CXADR: variants seen among roughly 807,000 people sequenced by gnomAD.
The protein encoded by CXADR is CXADR cell adhesion molecule.
CXADR carries 20 observed loss-of-function variants against 40.3 expected under a neutral mutation model. The ratio of observed to expected loss-of-function variants is 0.50; its 90% CI spans 0.35 to 0.72. The LOEUF (loss-of-function observed/expected upper bound fraction) is 0.72, where lower values mean the gene tolerates loss of function less well. Ranked by LOEUF, CXADR falls within the 30% of genes least tolerant of loss-of-function variation. CXADR has a pLI of 0.01. For missense variants in CXADR, 332 were observed against 449.1 expected (o/e 0.74, Z 2.36); for synonymous variants, 150 against 161.3 (o/e 0.93, Z 0.53).
At chr21:17,585,586 C>G (rs1418431994) in intron 7 of CXADR, among the ~76,000 whole-genome samples, 1 of 152,118 alleles carries the variant, frequency 6.6e-6, no homozygotes, top group African/African-American at 2.4e-5. Context: ...GGCGCCATCT[C>G]GGCTCACTGC....
chr21:17,537,302 A>G (rs746401997), intron 1 of CXADR, among the ~76,000 whole-genome samples: 59 of 152,332 alleles, frequency 3.9e-4, no homozygotes, highest in Non-Finnish European at 7.3e-4. Flanking sequence ...TTGTAAATGT[A>G]CCGTCATTCA....
In CXADR at chr21:17,560,843, G is replaced by C; in HGVS notation, c.694+19G>C. 1 of 1,611,768 alleles carries C rather than the reference G, an allele frequency of 6.2e-7. No homozygotes were observed. The highest frequency in any genetic ancestry group is 8.5e-7 in the Non-Finnish European group (1 of 1,178,768). ...GTCCCTCGTAAGTTATCTTCTTTCT[G>C]TTGGTGGTTTTGTTTCTGTTATCTT... is the stretch of plus-strand genomic sequence containing the variant. On this transcript the variant is annotated intron_variant, in intron 5 of 6. Coordinates refer to ENST00000284878, the MANE Select transcript of CXADR (RefSeq NM_001338.5).
At position 17,565,412 on chromosome 21, in the gene CXADR, G is replaced by A. The variant is rs763115559; in HGVS notation, c.834-16G>A. Reference sequence around the variant, plus strand: ...AACTTATTCTCTTGACATGTATTGGGGATTTTGCTTTGCAGGGAAGATGTG... The same window carrying A: ...AACTTATTCTCTTGACATGTATTGGAGATTTTGCTTTGCAGGGAAGATGTG... On this transcript the variant is annotated splice_polypyrimidine_tract_variant and intron_variant, in intron 6 of 6. Coordinates refer to ENST00000284878, the MANE Select transcript of CXADR (RefSeq NM_001338.5). 8.7e-6 allele frequency: 14 copies of A among 1,612,290 alleles called. No homozygotes were observed. Among genetic ancestry groups the A allele is most frequent in the Non-Finnish European group, 1.2e-5 (14 of 1,179,062 alleles).
chr21:17,544,242 TAG>T (rs2060865911), intron 1 of CXADR, among the ~76,000 whole-genome samples: 1 of 152,170 alleles, frequency 6.6e-6, no homozygotes, highest in Non-Finnish European at 1.5e-5. Context: ...TTAGAAATAA[TAG>T]AGTGTATTTA....
At chr21:17,578,261 T>A (rs533690591) in intron 7 of CXADR, among the ~76,000 whole-genome samples, 1 of 152,358 alleles carries the variant, frequency 6.6e-6, no homozygotes, top group Admixed American at 6.5e-5. Context: ...AGAGTTCCAA[T>A]TTCTCCACAT....
chr21:17,563,296 T>TA (rs1338588349), intron 6 of CXADR, among the ~76,000 whole-genome samples: 1 of 152,120 alleles, frequency 6.6e-6, no homozygotes, highest in African/African-American at 2.4e-5. Flanking sequence ...GATATTTTTT[T>TA]AAAAAGTAGA....
At chr21:17,519,610 G>C (rs953080748) in intron 1 of CXADR, among the ~76,000 whole-genome samples, 1 of 152,224 alleles carries the variant, frequency 6.6e-6, no homozygotes, top group East Asian at 1.9e-4. Flanking sequence ...GTTGACCTGC[G>C]CTTTACTGTC....
At chr21:17,560,962 T>C in intron 5 of CXADR, 138 bp downstream of exon 5, 1 of 1,333,128 alleles carries the variant, frequency 7.5e-7, no homozygotes, top group Non-Finnish European at 1.0e-6. Context: ...TATTAGCTTT[T>C]CTAGAAAAAT....
At position 17,569,881 on chromosome 21, in the gene CXADR, T is replaced by C; in HGVS notation, c.*4189T>C. 2.0e-6 allele frequency: 2 copies of C among 985,108 alleles called. No homozygotes were observed. The highest frequency in any genetic ancestry group is 4.7e-5 in the South Asian group (1 of 21,280). 61.0% of individuals were successfully genotyped at this position (985,108 alleles called of 1,614,324 possible). On this transcript the variant is annotated 3_prime_UTR_variant, in exon 7 of 7. Coordinates refer to ENST00000284878, the MANE Select transcript of CXADR (RefSeq NM_001338.5). ...TCTTTTCCCTAATTGTGAATTTTAGTGATAAATACACCTGTACTACTGAGG... is the reference window on the plus strand; with the variant it reads ...TCTTTTCCCTAATTGTGAATTTTAGCGATAAATACACCTGTACTACTGAGG...
At chr21:17,589,873 T>TA (rs2061422813) in intron 7 of CXADR, among the ~76,000 whole-genome samples, 1 of 152,020 alleles carries the variant, frequency 6.6e-6, no homozygotes, top group Admixed American at 6.6e-5. Context: ...AGTAACACTG[T>TA]AAGAGACTGC....
chr21:17,599,904 A>T, the CXADR span, among the ~76,000 whole-genome samples: 1 of 152,228 alleles, frequency 6.6e-6, no homozygotes, highest in South Asian at 2.1e-4. Flanking sequence ...TTATACTCAC[A>T]AAAATGAGAA....
chr21:17,543,096 A>G (rs764379693), intron 1 of CXADR: 15 of 333,608 alleles, frequency 4.5e-5, no homozygotes, highest in Non-Finnish European at 8.3e-5. Context: ...AAAAAAATCT[A>G]AAAGTCATTA....
chr21:17,518,234 A>G (rs1366478585), intron 1 of CXADR, among the ~76,000 whole-genome samples: 1 of 152,148 alleles, frequency 6.6e-6, no homozygotes, highest in African/African-American at 2.4e-5. Flanking sequence ...ACACACATAC[A>G]TAAGCAAACA....
chr21:17,612,490 A>AAGCCTCGCGGGCC, the CXADR span: 1 of 152,054 alleles, frequency 6.6e-6, no homozygotes, highest in Admixed American at 6.5e-5. Context: ...GTCCCGCGGA[A>AAGCCTCGCGGGCC]AGCCTCGCGG....
chr21:17,519,866 G>C (rs2060507163), intron 1 of CXADR, among the ~76,000 whole-genome samples: 1 of 152,106 alleles, frequency 6.6e-6, no homozygotes, highest in African/African-American at 2.4e-5. Flanking sequence ...GGCTGAAGCA[G>C]GAGAATTGCT....
At chr21:17,579,497 G>C (rs1343334819) in intron 7 of CXADR, among the ~76,000 whole-genome samples, 5 of 152,112 alleles carry the variant, frequency 3.3e-5, no homozygotes, top group Non-Finnish European at 7.4e-5. Context: ...CGTTAGCCAG[G>C]ATGGTCTCGA....
In CXADR at chr21:17,565,577, G is replaced by C. The variant is rs143764073; in HGVS notation, c.983G>C (p.Arg328Pro). 3.1e-6 allele frequency: 5 copies of C among 1,613,452 alleles called. No homozygotes were observed. The highest frequency in any genetic ancestry group is 3.4e-6 in the Non-Finnish European group (4 of 1,179,832). The change falls in exon 7 of 7, where the codon CGC becomes CCC. Residue 328 changes from arginine (R) to proline (P), a missense_variant. By Grantham distance (103) the Arg-to-Pro change is moderately radical (BLOSUM62 -2). Around this residue, in one of 3 missense-constraint regions of CXADR, gnomAD observed 150 missense variants for 194.2 expected, o/e 0.77. Coordinates refer to ENST00000284878, the MANE Select transcript of CXADR (RefSeq NM_001338.5). ...CAAGTACCAAGTGAAGACTTTGAAC[G>C]CACTCCTCAGAGTCCGACTCTCCCA... The part of the protein sequence containing the change: ...YNQVPSEDFE[R>P]TPQSPTLPPA...
At chr21:17,531,038 G>A (rs117515440) in intron 1 of CXADR, among the ~76,000 whole-genome samples, 1,531 of 152,098 alleles carry the variant, frequency 0.01, 23 homozygotes, top group African/African-American at 0.025. Flanking sequence ...AGTGGCTCAC[G>A]CCTGTAATCC....
intron 1 of CXADR, among the ~76,000 whole-genome samples, chr21:17,526,360 TCTTA>T (rs2060598370): frequency 6.6e-6 from 1 of 152,230 alleles, no homozygotes; most frequent in African/African-American, 2.4e-5. Flanking sequence ...GTTTCTTATT[TCTTA>T]CTTAATCTCT....
Sources: allele counts gnomAD v4.1 joint callset (sites outside exome capture counted in the v4.1 genomes callset), GRCh38; gene constraint gnomAD v4.1.1; regional missense constraint gnomAD v4.1.1; transcripts MANE v1.5; gene names NCBI Gene and HGNC (gene_info 2026-07-23, HGNC 2026-07-21).